Variants in NKAIN3 observed in about 807,000 individuals in gnomAD.
NKAIN3 encodes sodium/potassium transporting ATPase interacting 3.
In NKAIN3, 25 loss-of-function variants were observed where a neutral mutation model predicts 30.2. That is an observed-to-expected ratio of 0.83 (90% confidence interval 0.60 to 1.16). NKAIN3 has a LOEUF of 1.16. Among genes scored for constraint, NKAIN3 ranks in the 50% most tolerant of loss-of-function variants. NKAIN3 has a pLI of 0.00. For missense variants in NKAIN3, 225 were observed against 254.1 expected, an observed-to-expected ratio of 0.89 and a Z score of 0.78; for synonymous variants, 91 against 89.6, an observed-to-expected ratio of 1.02 and a Z score of -0.09.
rs1006165403 is a variant in NKAIN3, at chr8:62,974,250, T to G, written c.*8843T>G. 2.0e-5 allele frequency among the ~76,000 whole-genome samples: 3 copies of G among 151,354 alleles called. No homozygotes were observed. Among genetic ancestry groups the G allele is most frequent in the Admixed American group, 1.3e-4 (2 of 15,082 alleles). On this transcript the variant is annotated 3_prime_UTR_variant, in exon 7 of 7. Coordinates refer to ENST00000623646, the MANE Select transcript of NKAIN3 (RefSeq NM_001304533.3). ...ATAGCATTGAATCTATAAATTACTT[T>G]GGGCAGTATGGCCATTTTTACAATA...
chr8:62,277,351 C>A (rs998463857), intron 1 of NKAIN3, among the ~76,000 whole-genome samples: 8 of 152,024 alleles, frequency 5.3e-5, no homozygotes, highest in African/African-American at 1.9e-4. Context: ...CATTATTAAA[C>A]TTAGACCTAG....
intron 1 of NKAIN3, among the ~76,000 whole-genome samples, chr8:62,355,733 G>T (rs1352083746): frequency 1.3e-5 from 2 of 152,238 alleles, no homozygotes; most frequent in African/African-American, 4.8e-5. Context: ...TCCTGAAAAA[G>T]TGTTACTCAA....
At chr8:62,852,725 C>T (rs191065350) in intron 4 of NKAIN3, among the ~76,000 whole-genome samples, 37 of 152,294 alleles carry the variant, frequency 2.4e-4, no homozygotes, top group Middle Eastern at 6.8e-3. Context: ...AGTAGTCATT[C>T]AGGAGCAGGT....
chr8:62,819,154 T>TATATATATATATAC (rs1184020630), intron 4 of NKAIN3, among the ~76,000 whole-genome samples: 20 of 32,714 alleles, frequency 6.1e-4, no homozygotes, highest in African/African-American at 1.4e-3. Flanking sequence ...TATATATACA[T>TATATATATATATAC]ATATATATAT....
intron 5 of NKAIN3, among the ~76,000 whole-genome samples, chr8:62,932,942 C>A (rs899533011): frequency 1.3e-5 from 2 of 149,064 alleles, no homozygotes; most frequent in East Asian, 4.1e-4. Flanking sequence ...TAGCCATCTC[C>A]GAGGAAGAAA....
At chr8:62,533,791 T>C (rs548326441) in intron 1 of NKAIN3, among the ~76,000 whole-genome samples, 47 of 152,310 alleles carry the variant, frequency 3.1e-4, no homozygotes, top group Middle Eastern at 3.4e-3. Flanking sequence ...TTTTAAAATG[T>C]TTTTTCAGAC....
chr8:62,923,315 AC>A (rs1822336362), intron 5 of NKAIN3, among the ~76,000 whole-genome samples: 1 of 151,892 alleles, frequency 6.6e-6, no homozygotes, highest in Non-Finnish European at 1.5e-5. Flanking sequence ...ACAGAGGGAG[AC>A]GCTGTCTCAA....
rs1358688197 is a variant in NKAIN3, at chr8:62,971,792, A to G, written c.*6385A>G. Among the ~76,000 whole-genome samples the G allele has an allele frequency of 6.6e-6, 1 of 152,254 alleles. No individual in the cohort carries two copies. The highest frequency in any genetic ancestry group is 1.5e-5 in the Non-Finnish European group (1 of 68,048). ...TTATAACACATTCTAGAAAAAATGTACATATATTCTTCAGTACTGTGAGAG... is the reference window on the plus strand; with the variant it reads ...TTATAACACATTCTAGAAAAAATGTGCATATATTCTTCAGTACTGTGAGAG... On this transcript the variant is annotated 3_prime_UTR_variant, in exon 7 of 7. Transcript: ENST00000623646.
rs1477297796 is a variant in NKAIN3 at position 62,641,899 on chromosome 8, AT to A, written c.273+52110del. 5.9e-5 allele frequency among the ~76,000 whole-genome samples: 9 copies of A among 152,120 alleles called. No homozygotes were observed. In the South Asian group the frequency reaches 1.9e-3, roughly 32 times the overall value. Reference sequence around the variant, plus strand: ...GATTAATTTCAGAAATTTTACCTGTATTTTTAATCTCATTTAGAAATGAATA... The same window carrying A: ...GATTAATTTCAGAAATTTTACCTGTATTTTAATCTCATTTAGAAATGAATA... On this transcript the variant is annotated intron_variant, in intron 3 of 6. Coordinates refer to ENST00000623646, the MANE Select transcript of NKAIN3 (RefSeq NM_001304533.3).
At chr8:62,617,631 G>A (rs1196207703) in intron 3 of NKAIN3, among the ~76,000 whole-genome samples, 1 of 152,110 alleles carries the variant, frequency 6.6e-6, no homozygotes, top group Non-Finnish European at 1.5e-5. Context: ...ATAGAAAGAT[G>A]AAAGCCTATA....
intron 1 of NKAIN3, among the ~76,000 whole-genome samples, chr8:62,402,531 A>C (rs367673868): frequency 2.0e-5 from 3 of 149,772 alleles, no homozygotes; most frequent in African/African-American, 7.2e-5. Flanking sequence ...CCTCCATGCC[A>C]TTCTCATGAT....
chr8:62,462,084 A>T (rs1806016580), intron 1 of NKAIN3, among the ~76,000 whole-genome samples: 1 of 152,216 alleles, frequency 6.6e-6, no homozygotes, highest in Admixed American at 6.5e-5. Context: ...GGAGCAAAAT[A>T]AAGATGGCTT....
chr8:62,503,685 A>G (rs1807534728), intron 1 of NKAIN3, among the ~76,000 whole-genome samples: 1 of 152,044 alleles, frequency 6.6e-6, no homozygotes, highest in Non-Finnish European at 1.5e-5. Context: ...CCCTGGTAGG[A>G]AAAGAATTTA....
chr8:62,355,700 G>T (rs538273227), intron 1 of NKAIN3, among the ~76,000 whole-genome samples: 2 of 152,136 alleles, frequency 1.3e-5, no homozygotes, highest in Non-Finnish European at 2.9e-5. Flanking sequence ...TGGTATGTTA[G>T]TGAAATTGCT....
chr8:62,332,435 T>C (rs28687102), intron 1 of NKAIN3, among the ~76,000 whole-genome samples: 47 of 152,132 alleles, frequency 3.1e-4, no homozygotes, highest in Non-Finnish European at 2.1e-4. Flanking sequence ...ATTTGTAATC[T>C]GGTGTTACTT....
intron 1 of NKAIN3, among the ~76,000 whole-genome samples, chr8:62,423,043 G>GT (rs1193197237): frequency 6.6e-6 from 1 of 151,970 alleles, no homozygotes; most frequent in African/African-American, 2.4e-5. Flanking sequence ...TCTAACAGTG[G>GT]TTTTTCCATT....
intron 1 of NKAIN3, among the ~76,000 whole-genome samples, chr8:62,415,211 T>C (rs1401706958): frequency 7.0e-6 from 1 of 142,516 alleles, no homozygotes; most frequent in Non-Finnish European, 1.5e-5. Context: ...ATATATTATA[T>C]TATTTTATAT....
intron 1 of NKAIN3, among the ~76,000 whole-genome samples, chr8:62,260,296 C>T (rs1050648039): frequency 6.6e-6 from 1 of 151,766 alleles, no homozygotes; most frequent in African/African-American, 2.4e-5. Context: ...AACAGGAATG[C>T]TCTACACTCA....
At position 62,960,736 on chromosome 8, in the gene NKAIN3, C is replaced by CACACACACAT. The variant is rs1049052580; in HGVS notation, c.604-4609_604-4608insTACACACACA. Among the ~76,000 whole-genome samples the CACACACACAT allele has an allele frequency of 1.7e-4, 3 of 17,678 alleles. No individual in the cohort carries two copies. In the African/African-American group the frequency reaches 2.9e-3, roughly 17 times the overall value. 11.6% of individuals were successfully genotyped at this position (17,678 alleles called of 152,430 possible). A position where few individuals can be genotyped will look rare whatever the true frequency, so the allele number is the denominator to read the frequency against. ...GATTACACAATACGCAGGAAAAAAG[C>CACACACACAT]ACACACACACACACACACACAAGTG... is the stretch of plus-strand genomic sequence containing the variant. On this transcript the variant is annotated intron_variant, in intron 6 of 6. Transcript: ENST00000623646.
Sources: allele counts gnomAD v4.1 joint callset (sites outside exome capture counted in the v4.1 genomes callset), GRCh38; gene constraint gnomAD v4.1.1; transcripts MANE v1.5; gene names NCBI Gene and HGNC (gene_info 2026-07-23, HGNC 2026-07-21).